FBXL17: variants seen among roughly 807,000 people sequenced by gnomAD.
The protein encoded by FBXL17 is F-box and leucine rich repeat protein 17.
FBXL17 carries 22 observed loss-of-function variants against 66.2 expected under a neutral mutation model. The ratio of observed to expected loss-of-function variants is 0.33; its 90% confidence interval spans 0.24 to 0.47. The LOEUF is 0.47. Ranked by LOEUF, FBXL17 falls within the 20% of genes least tolerant of loss-of-function variation. The pLI is 1.00. For missense variants in FBXL17, 878 were observed against 948.2 expected (o/e 0.93, Z 0.97); for synonymous variants, 474 against 400.5 (o/e 1.18, Z -2.19).
intron 6 of FBXL17, among the ~76,000 whole-genome samples, chr5:108,052,881 G>A (rs1267263135): frequency 6.6e-6 from 1 of 152,132 alleles, no homozygotes; most frequent in Non-Finnish European, 1.5e-5. Context: ...AGAGACCTCA[G>A]AAATAACACC....
chr5:108,035,149 T>A (rs1420039989), intron 6 of FBXL17, among the ~76,000 whole-genome samples: 6 of 152,298 alleles, frequency 3.9e-5, no homozygotes, highest in Admixed American at 3.3e-4. Flanking sequence ...TTATAAATAG[T>A]TATGTTTATA....
chr5:108,045,721 C>T (rs1747229012), intron 6 of FBXL17, among the ~76,000 whole-genome samples: 1 of 152,102 alleles, frequency 6.6e-6, no homozygotes, highest in Non-Finnish European at 1.5e-5. Context: ...TCCTCTTTCA[C>T]CTATGAATTA....
chr5:108,312,066 C>T (rs1759145518), intron 4 of FBXL17, among the ~76,000 whole-genome samples: 1 of 151,992 alleles, frequency 6.6e-6, no homozygotes, highest in South Asian at 2.1e-4. Flanking sequence ...AGACACATTT[C>T]CAGGACTCAA....
intron 4 of FBXL17, among the ~76,000 whole-genome samples, chr5:108,230,299 T>C (rs988048670): frequency 6.6e-5 from 10 of 152,106 alleles, no homozygotes; most frequent in African/African-American, 2.2e-4. Context: ...AATTCACAAC[T>C]GCAAAAATAT....
intron 6 of FBXL17, among the ~76,000 whole-genome samples, chr5:108,058,206 G>C (rs1458234245): frequency 2.0e-5 from 3 of 152,082 alleles, no homozygotes; most frequent in African/African-American, 7.2e-5. Context: ...GACCATCTCT[G>C]TTTTACAACT....
At chr5:107,893,722 T>C (rs1375488825) in intron 7 of FBXL17, among the ~76,000 whole-genome samples, 1 of 152,214 alleles carries the variant, frequency 6.6e-6, no homozygotes, top group Non-Finnish European at 1.5e-5. Flanking sequence ...GATGAAGGAC[T>C]ACAGACTGAT....
chr5:107,956,640 A>T (rs78711998), intron 7 of FBXL17, among the ~76,000 whole-genome samples: 14,771 of 152,142 alleles, frequency 0.097, 775 homozygotes, highest in South Asian at 0.13. Context: ...GAGGCTTTCA[A>T]AAATAGTATA....
At chr5:107,863,610 CTTAGT>C (rs1187785459) in intron 8 of FBXL17, among the ~76,000 whole-genome samples, 3 of 141,744 alleles carry the variant, frequency 2.1e-5, no homozygotes, top group Admixed American at 7.3e-5. Flanking sequence ...TTTATGATTG[CTTAGT>C]TTAATGTCTA....
intron 1 of FBXL17, among the ~76,000 whole-genome samples, chr5:108,370,675 G>T (rs911633417): frequency 3.9e-5 from 6 of 151,902 alleles, no homozygotes; most frequent in Middle Eastern, 3.4e-3. Flanking sequence ...CCTGGAAGGC[G>T]AAGGTTGCAG....
intron 6 of FBXL17, among the ~76,000 whole-genome samples, chr5:108,131,249 T>C (rs1750920618): frequency 1.3e-5 from 2 of 152,154 alleles, no homozygotes; most frequent in Non-Finnish European, 2.9e-5. Context: ...TCCTTGACTA[T>C]TCACCAGTGG....
In FBXL17 at chr5:108,054,484, A is replaced by C. The variant is rs779598489; in HGVS notation, c.1746-33483T>G. Among the ~76,000 whole-genome samples, 72 of 152,236 alleles carry C rather than the reference A, an allele frequency of 4.7e-4. 2 individuals carry two copies. Among genetic ancestry groups the C allele is most frequent in the Admixed American group, 2.6e-4 (4 of 15,306 alleles). ...GCTCTGCATGTGGGGTATGTATGGC[A>C]GATAGTTGCTAGCTGGCAGAAGTGG... On this transcript the variant is annotated intron_variant, in intron 6 of 8. Coordinates refer to ENST00000542267, the MANE Select transcript of FBXL17 (RefSeq NM_001163315.3).
intron 7 of FBXL17, among the ~76,000 whole-genome samples, chr5:107,923,977 A>G (rs1254725402): frequency 6.6e-6 from 1 of 151,728 alleles, no homozygotes; most frequent in Non-Finnish European, 1.5e-5. Context: ...AGTGATGGCA[A>G]TGTGGGGCTA....
At chr5:108,081,596 G>T (rs1341680955) in intron 6 of FBXL17, among the ~76,000 whole-genome samples, 1 of 152,022 alleles carries the variant, frequency 6.6e-6, no homozygotes, top group African/African-American at 2.4e-5. Context: ...GGTGGCAGGC[G>T]TCTGTAGTCC....
chr5:108,287,370 G>T, intron 4 of FBXL17, among the ~76,000 whole-genome samples: 1 of 152,012 alleles, frequency 6.6e-6, no homozygotes, highest in South Asian at 2.1e-4. Flanking sequence ...CTATGCATCT[G>T]ACAAAGGTCT....
At chr5:108,015,705 G>A (rs909123760) in intron 7 of FBXL17, among the ~76,000 whole-genome samples, 8 of 152,170 alleles carry the variant, frequency 5.3e-5, no homozygotes, top group Non-Finnish European at 8.8e-5. Context: ...TGTTTCATGA[G>A]TGTATTTACT....
chr5:108,297,792 TC>T, intron 4 of FBXL17: 1 of 742,718 alleles, frequency 1.3e-6, no homozygotes. Context: ...AGTCATTTAT[TC>T]CAACTTAACT....
chr5:108,153,076 T>C (rs879718351), intron 6 of FBXL17, among the ~76,000 whole-genome samples: 2 of 152,166 alleles, frequency 1.3e-5, no homozygotes, highest in Non-Finnish European at 2.9e-5. Context: ...CCTGCTGCCA[T>C]GTAAGGTGTG....
chr5:108,036,262 T>C (rs977921966), intron 6 of FBXL17, among the ~76,000 whole-genome samples: 1 of 152,216 alleles, frequency 6.6e-6, no homozygotes, highest in Non-Finnish European at 1.5e-5. Context: ...CCACTGGACA[T>C]ATTTATTACA....
intron 6 of FBXL17, among the ~76,000 whole-genome samples, chr5:108,042,511 T>TA (rs34692798): frequency 0.17 from 25,311 of 152,062 alleles, 2,423 homozygotes; most frequent in South Asian, 0.43. Flanking sequence ...AATAGAATCA[T>TA]AGAGTATATA....
Sources: allele counts gnomAD v4.1 joint callset (sites outside exome capture counted in the v4.1 genomes callset), GRCh38; gene constraint gnomAD v4.1.1; transcripts MANE v1.5; gene names NCBI Gene and HGNC (gene_info 2026-07-23, HGNC 2026-07-21).